The following THAP5 variants were observed in gnomAD, a reference collection of about 807,000 sequenced individuals.
The protein encoded by THAP5 is THAP domain containing 5, also known as THAP domain-containing protein 5.
THAP5 carries 26 observed loss-of-function variants against 34.0 expected under a neutral mutation model. That is an observed-to-expected ratio of 0.77 (90% CI 0.56 to 1.06). THAP5 has a LOEUF of 1.06. Among genes scored for constraint, THAP5 ranks in the 50% least tolerant of loss-of-function variants. The probability of loss-of-function intolerance (pLI) is 0.00; values close to 1 mark genes in which losing one functional copy is unlikely to be tolerated. For synonymous variants in THAP5, 125 were observed against 153.0 expected (o/e 0.82, Z 1.35); for missense variants, 394 against 452.8 (o/e 0.87, Z 1.18).
At chr7:108,542,085 G>A in the THAP5 span, among the ~76,000 whole-genome samples, 1 of 152,098 alleles carries the variant, frequency 6.6e-6, no homozygotes, top group African/African-American at 2.4e-5. Context: ...CAAATGTTTT[G>A]GCAAGAACTT....
At chr7:108,546,468 G>A in the THAP5 span, among the ~76,000 whole-genome samples, 1 of 152,276 alleles carries the variant, frequency 6.6e-6, no homozygotes, top group South Asian at 2.1e-4. Flanking sequence ...TACCCACACC[G>A]CTGCCCCTGA....
intron 1 of THAP5, among the ~76,000 whole-genome samples, chr7:108,555,938 G>A (rs1417264931): frequency 6.6e-6 from 1 of 151,456 alleles, no homozygotes; most frequent in Non-Finnish European, 1.5e-5. Flanking sequence ...CCTGACCTCA[G>A]GTAATGCACC....
In THAP5 at chr7:108,569,539, T is replaced by C. The variant is rs1295133346; in HGVS notation, c.31A>G (p.Lys11Glu). 8 of 1,551,736 alleles carry C rather than the reference T, an allele frequency of 5.2e-6. No homozygotes were observed. In the South Asian group the frequency reaches 9.5e-5, roughly 18 times the overall value. The part of the protein sequence containing the change: MPRYCAAICC[K>E]NRRGRNNKDR... ...TTATTGTTTCGTCCCCGGCGGTTCT[T>C]ACAACAAATCGCTGCGCAATAGCGG... The change falls in exon 1 of 3, where the codon AAG becomes GAG. Residue 11 changes from lysine (K) to glutamate (E), a missense_variant. Transcript: ENST00000415914.
Position 108,565,052 on chromosome 7 carries a change from T to C in THAP5, c.327A>G (p.Lys109=), listed in dbSNP as rs1790456391. The part of the protein sequence containing the change: ...KSQKKNLEDE[K]EVCPKAKSEE... ...CTGACTTGGCTTTTGGGCATACTTC[T>C]TTCTCATCTTCCAAGTTTTTCTTCT... The change falls in exon 3 of 3, where the codon AAA becomes AAG. Residue 109 remains lysine (K), a synonymous_variant. Coordinates refer to ENST00000415914, the MANE Select transcript of THAP5 (RefSeq NM_001130475.3). 1.3e-6 allele frequency: 2 copies of C among 1,535,148 alleles called. No individual in the cohort carries two copies. Among genetic ancestry groups the C allele is most frequent in the East Asian group, 2.5e-5 (1 of 40,746 alleles).
the THAP5 span, among the ~76,000 whole-genome samples, chr7:108,548,897 G>A: frequency 6.6e-6 from 1 of 152,084 alleles, no homozygotes; most frequent in Non-Finnish European, 1.5e-5. Flanking sequence ...AGTCCTGAAG[G>A]ATGAATAGGA....
At position 108,569,531 on chromosome 7, in the gene THAP5, G is replaced by T. The variant is rs1463826141; in HGVS notation, c.39C>A (p.Arg13=). 11 of 1,551,776 alleles carry T rather than the reference G, an allele frequency of 7.1e-6. No homozygotes were observed. Among genetic ancestry groups the T allele is most frequent in the Non-Finnish European group, 9.6e-6 (11 of 1,147,020 alleles). Residue 13 remains arginine, a synonymous_variant, in exon 1 of 3, where the codon CGC becomes CGA. Transcript: ENST00000415914. ...TCCGGTCTTTATTGTTTCGTCCCCG[G>T]CGGTTCTTACAACAAATCGCTGCGC... The part of the protein sequence containing the change: ...RYCAAICCKN[R]RGRNNKDRKL...
chr7:108,549,177 C>T, the THAP5 span, among the ~76,000 whole-genome samples: 19 of 150,438 alleles, frequency 1.3e-4, no homozygotes, highest in South Asian at 2.1e-4. Context: ...GCTGGAGTGC[C>T]GTGACAGGAT....
chr7:108,558,066 G>C (rs566209285), downstream of THAP5, among the ~76,000 whole-genome samples: 1 of 151,860 alleles, frequency 6.6e-6, no homozygotes, highest in Non-Finnish European at 1.5e-5. Flanking sequence ...ACCACATCTC[G>C]TGGAAACTCA....
At chr7:108,550,231 A>T (rs188342369), downstream of THAP5, among the ~76,000 whole-genome samples, 490 of 152,288 alleles carry the variant, frequency 3.2e-3, no homozygotes, top group Non-Finnish European at 5.2e-3. Flanking sequence ...CTTCCAGTGT[A>T]GCTAAGAAGT....
At chr7:108,561,904 T>C (rs1347424127), downstream of THAP5, among the ~76,000 whole-genome samples, 1 of 152,174 alleles carries the variant, frequency 6.6e-6, no homozygotes, top group Non-Finnish European at 1.5e-5. Flanking sequence ...TTGTTCAAAG[T>C]TTTACCGGAG....
downstream of THAP5, among the ~76,000 whole-genome samples, chr7:108,552,194 G>T (rs1244283994): frequency 1.3e-5 from 2 of 152,114 alleles, no homozygotes; most frequent in Non-Finnish European, 2.9e-5. Context: ...CTTTTGCCAG[G>T]TAAGGAGCGA....
intron 1 of THAP5, chr7:108,569,174 T>C: frequency 8.1e-7 from 1 of 1,241,950 alleles, no homozygotes; most frequent in African/African-American, 1.5e-5. Flanking sequence ...TGGTGGTTAA[T>C]GTTGTTCAAT....
chr7:108,550,420 G>C (rs1481862129), downstream of THAP5, among the ~76,000 whole-genome samples: 9 of 152,116 alleles, frequency 5.9e-5, no homozygotes, highest in Non-Finnish European at 1.2e-4. Context: ...TACATGTTCA[G>C]GTCCAGAAAA....
intron 1 of THAP5, chr7:108,568,983 A>G (rs985572390): frequency 4.8e-6 from 2 of 415,922 alleles, no homozygotes; most frequent in Non-Finnish European, 6.6e-6. Context: ...CCTAAGCAGA[A>G]GACTAGTTTA....
chr7:108,563,105 A>G lies in THAP5; in HGVS notation c.*1086T>C, dbSNP rs1181350514. 1 of 152,242 alleles carries G rather than the reference A, an allele frequency of 6.6e-6. No homozygotes were observed. The highest frequency in any genetic ancestry group is 1.5e-5 in the Non-Finnish European group (1 of 68,036). 9.4% of individuals were successfully genotyped at this position (152,242 alleles called of 1,614,324 possible). A position where few individuals can be genotyped will look rare whatever the true frequency, so the allele number is the denominator to read the frequency against. On this transcript the variant is annotated 3_prime_UTR_variant, in exon 3 of 3. Coordinates refer to ENST00000415914, the MANE Select transcript of THAP5 (RefSeq NM_001130475.3). ...TTAACTGTATAAATACAGAAAGTTT[A>G]GCTTAGATGACTATGTATTTGATGG...
the THAP5 span, among the ~76,000 whole-genome samples, chr7:108,543,636 A>G: frequency 3.9e-5 from 6 of 152,164 alleles, no homozygotes; most frequent in African/African-American, 1.4e-4. Flanking sequence ...AGTAGCTGTG[A>G]TCTTCAGTTT....
At chr7:108,568,275 G>C (rs1480625284) in intron 1 of THAP5, 1 of 151,474 alleles carries the variant, frequency 6.6e-6, no homozygotes, top group Admixed American at 6.6e-5. Flanking sequence ...GTGTGATCTC[G>C]GCTCACCTCA....
At position 108,569,553 on chromosome 7, in the gene THAP5, G is replaced by C. The variant is rs1311880362; in HGVS notation, c.17C>G (p.Ala6Gly). The C allele has an allele frequency of 5.2e-6, 8 of 1,551,694 alleles. No individual in the cohort carries two copies. Among genetic ancestry groups the C allele is most frequent in the Non-Finnish European group, 6.1e-6 (7 of 1,147,018 alleles). MPRYC[A>G]AICCKNRRGR... is the part of the protein sequence containing the mutation. ...CCGGCGGTTCTTACAACAAATCGCT[G>C]CGCAATAGCGGGGCATGACTCGGGT... The change falls in exon 1 of 3, where the codon GCA becomes GGA. Residue 6 changes from alanine (A) to glycine (G), a missense_variant. Ala to Gly is a moderately conservative substitution (Grantham distance 60). Transcript: ENST00000415914.
rs879314114 is a variant in THAP5, at chr7:108,555,115, G to A, written n.109-256C>T. Among the ~76,000 whole-genome samples the A allele has an allele frequency of 3.1e-4, 47 of 151,944 alleles. No homozygotes were observed. In the Middle Eastern group the frequency reaches 0.021, roughly 67 times the overall value. On this transcript the variant is annotated intron_variant and non_coding_transcript_variant, in intron 1 of 1. Coordinates refer to the THAP5 transcript ENST00000468884. ...CCTACCTAGGTTAGAGAGCCAATAT[G>A]CTAATTAGTGACCATTAAAAATGGT...
Sources: allele counts gnomAD v4.1 joint callset (sites outside exome capture counted in the v4.1 genomes callset), GRCh38; gene constraint gnomAD v4.1.1; transcripts MANE v1.5; gene names NCBI Gene and HGNC (gene_info 2026-07-23, HGNC 2026-07-21).